Variants in LSAMP observed in about 807,000 individuals in gnomAD.
LSAMP encodes the protein limbic system-associated membrane protein.
A neutral mutation model predicts 38.6 loss-of-function variants in LSAMP; 7 were observed. The ratio of observed to expected loss-of-function variants is 0.18; its 90% CI spans 0.10 to 0.34. The LOEUF (loss-of-function observed/expected upper bound fraction) is 0.34, where lower values mean the gene tolerates loss of function less well. LSAMP is among the 10% of genes least tolerant of loss of function. The pLI is 1.00. For synonymous variants in LSAMP, 154 were observed against 166.8 expected (o/e 0.92, Z 0.59); for missense variants, 313 against 420.0 (o/e 0.75, Z 2.23).
At chr3:116,196,719 T>C (rs1461947971) in intron 1 of LSAMP, among the ~76,000 whole-genome samples, 1 of 152,206 alleles carries the variant, frequency 6.6e-6, no homozygotes, top group Non-Finnish European at 1.5e-5. Context: ...ATAAAGCTAG[T>C]TCCTGTTATG....
At chr3:116,209,249 T>G (rs1396695233) in intron 1 of LSAMP, among the ~76,000 whole-genome samples, 1 of 152,204 alleles carries the variant, frequency 6.6e-6, no homozygotes, top group Non-Finnish European at 1.5e-5. Context: ...TGCCTCGCCC[T>G]GCTTTGGCTC....
chr3:116,333,826 T>G (rs1192381714), intron 1 of LSAMP, among the ~76,000 whole-genome samples: 1 of 151,762 alleles, frequency 6.6e-6, no homozygotes, highest in East Asian at 1.9e-4. Flanking sequence ...AAACTCATTT[T>G]ACAAATTTTG....
At chr3:116,279,410 T>C (rs556060775) in intron 1 of LSAMP, among the ~76,000 whole-genome samples, 1 of 152,332 alleles carries the variant, frequency 6.6e-6, no homozygotes, top group South Asian at 2.1e-4. Context: ...CCAGAAAGTA[T>C]ACTTCTCTCC....
chr3:116,332,438 T>C (rs568402081), intron 1 of LSAMP, among the ~76,000 whole-genome samples: 2 of 152,174 alleles, frequency 1.3e-5, no homozygotes, highest in South Asian at 4.1e-4. Context: ...TGCTACAATT[T>C]TAGAATGTTA....
At chr3:116,110,663 A>G (rs966393946) in intron 1 of LSAMP, among the ~76,000 whole-genome samples, 3 of 152,176 alleles carry the variant, frequency 2.0e-5, no homozygotes, top group Non-Finnish European at 4.4e-5. Context: ...CAGATTTGAA[A>G]TTGGTGAGAT....
intron 1 of LSAMP, among the ~76,000 whole-genome samples, chr3:116,215,071 C>T (rs1180387093): frequency 6.6e-6 from 1 of 152,180 alleles, no homozygotes; most frequent in African/African-American, 2.4e-5. Context: ...CATAACACTA[C>T]ACTGGATACA....
At chr3:116,014,091 G>A (rs546154964) in intron 3 of LSAMP, among the ~76,000 whole-genome samples, 1 of 152,270 alleles carries the variant, frequency 6.6e-6, no homozygotes, top group South Asian at 2.1e-4. Context: ...CTGACTTATG[G>A]TGGATTGACT....
chr3:116,116,308 T>C (rs1010576380), intron 1 of LSAMP, among the ~76,000 whole-genome samples: 1 of 151,920 alleles, frequency 6.6e-6, no homozygotes, highest in Admixed American at 6.6e-5. Context: ...CTTCTTTTTC[T>C]GCAAGTTGTC....
At chr3:116,012,132 C>T (rs879942885) in intron 3 of LSAMP, among the ~76,000 whole-genome samples, 2 of 152,192 alleles carry the variant, frequency 1.3e-5, no homozygotes, top group East Asian at 3.8e-4. Flanking sequence ...GCTTGGTTAA[C>T]TCCCAAATAA....
chr3:116,384,438 A>T (rs143495662), intron 1 of LSAMP, among the ~76,000 whole-genome samples: 1 of 152,096 alleles, frequency 6.6e-6, no homozygotes, highest in Non-Finnish European at 1.5e-5. Flanking sequence ...TTGAATCAGA[A>T]TTTTTGGAAG....
intron 2 of LSAMP, among the ~76,000 whole-genome samples, chr3:116,061,393 G>C (rs564813717): frequency 6.6e-6 from 1 of 151,722 alleles, no homozygotes; most frequent in South Asian, 2.1e-4. Flanking sequence ...TGAGGGAATA[G>C]CCTGTCATGG....
intron 1 of LSAMP, among the ~76,000 whole-genome samples, chr3:116,428,412 T>A (rs1416703329): frequency 6.6e-6 from 1 of 152,122 alleles, no homozygotes; most frequent in African/African-American, 2.4e-5. Flanking sequence ...AAGCTGAGAT[T>A]GCACCACTAC....
intron 1 of LSAMP, among the ~76,000 whole-genome samples, chr3:116,121,133 C>T (rs1708865742): frequency 6.6e-6 from 1 of 152,192 alleles, no homozygotes; most frequent in African/African-American, 2.4e-5. Flanking sequence ...ATTACTTGAA[C>T]TCACTGGCCT....
chr3:115,813,226 A>T (rs1346770692), intron 6 of LSAMP, among the ~76,000 whole-genome samples: 1 of 152,130 alleles, frequency 6.6e-6, no homozygotes, highest in Non-Finnish European at 1.5e-5. Context: ...TGAACCACGT[A>T]TACAAAGGAG....
chr3:115,830,789 C>T (rs1934583187), intron 6 of LSAMP, among the ~76,000 whole-genome samples: 1 of 152,098 alleles, frequency 6.6e-6, no homozygotes, highest in South Asian at 2.1e-4. Context: ...ATTTTTCTCC[C>T]ATTTTACCTC....
chr3:116,019,145 T>C (rs1181773960), intron 3 of LSAMP, among the ~76,000 whole-genome samples: 1 of 83,392 alleles, frequency 1.2e-5, no homozygotes, highest in Non-Finnish European at 2.2e-5. Flanking sequence ...TCTGTATTTG[T>C]TGCATTGTGG....
intron 6 of LSAMP, among the ~76,000 whole-genome samples, chr3:115,813,449 G>T (rs570528889): frequency 6.6e-6 from 1 of 152,138 alleles, no homozygotes; most frequent in Non-Finnish European, 1.5e-5. Context: ...TCACAAGAAT[G>T]AAGTCACATA....
At chr3:116,276,959 T>A (rs1380037825) in intron 1 of LSAMP, among the ~76,000 whole-genome samples, 1 of 152,134 alleles carries the variant, frequency 6.6e-6, no homozygotes, top group Non-Finnish European at 1.5e-5. Flanking sequence ...TTGTTGACAG[T>A]CATGATTGTG....
At chr3:116,300,912 T>G (rs1576492901) in intron 1 of LSAMP, among the ~76,000 whole-genome samples, 1 of 152,180 alleles carries the variant, frequency 6.6e-6, no homozygotes, top group African/African-American at 2.4e-5. Context: ...GGGAAGTGAC[T>G]TAACTCTTCC....
Sources: gnomAD v4.1 joint callset for allele counts (sites outside exome capture counted in the v4.1 genomes callset) on GRCh38, gnomAD v4.1.1 for gene constraint, MANE v1.5 for transcripts, NCBI Gene and HGNC (gene_info 2026-07-23, HGNC 2026-07-21) for gene names.